Variants in DNAJC7 observed in about 807,000 individuals in gnomAD.
DNAJC7 encodes the protein dnaJ homolog subfamily C member 7.
Under a neutral mutation model 67.4 loss-of-function variants are expected in DNAJC7, and 18 were observed. The observed-to-expected ratio is 0.27, with a 90% CI of 0.18 to 0.40. The LOEUF is 0.40. DNAJC7 is among the 10% of genes least tolerant of loss of function. The probability of loss-of-function intolerance (pLI) is 1.00; values close to 1 mark genes in which losing one functional copy is unlikely to be tolerated. For missense variants in DNAJC7, 419 were observed against 613.8 expected, an observed-to-expected ratio of 0.68 and a Z score of 3.35; for synonymous variants, 220 against 207.8, an observed-to-expected ratio of 1.06 and a Z score of -0.50.
At position 41,997,136 on chromosome 17, in the gene DNAJC7, C is replaced by A; in HGVS notation, c.270G>T (p.Arg90Ser). The A allele has an allele frequency of 7.4e-6, 12 of 1,614,006 alleles. No homozygotes were observed. The highest frequency in any genetic ancestry group is 9.3e-6 in the Non-Finnish European group (11 of 1,179,886). The part of the protein sequence containing the change: ...EALGDAQQSV[R>S]LDDSFVRGHL... ...ATACCCGGACAAAACTGTCATCCAACCTCACTGACTGTTGTGCATCTCCAA... is the reference window on the plus strand; with the variant it reads ...ATACCCGGACAAAACTGTCATCCAAACTCACTGACTGTTGTGCATCTCCAA... Residue 90 changes from arginine (R) to serine (S), a missense_variant, in exon 3 of 14, where the codon AGG becomes AGT. Coordinates refer to ENST00000457167, the MANE Select transcript of DNAJC7 (RefSeq NM_003315.4).
At position 41,982,377 on chromosome 17, in the gene DNAJC7, G is replaced by A. The variant is rs782147359; in HGVS notation, c.1109C>T (p.Ala370Val). The A allele has an allele frequency of 5.0e-6, 8 of 1,613,766 alleles. No homozygotes were observed. Among genetic ancestry groups the A allele is most frequent in the South Asian group, 2.2e-5 (2 of 91,080 alleles). ...TKEHKQLLKN[A>V]QLELKKSKRK... ...CTTACTCTTCTTCAGTTCCAGCTGC[G>A]CATTTTTTAGGAGCTGTTTGTGTTC... is the stretch of plus-strand genomic sequence containing the variant. The change falls in exon 11 of 14, where the codon GCG becomes GTG. Residue 370 changes from alanine to valine, a missense_variant. By Grantham distance (64) the Ala-to-Val change is moderately conservative. Transcript: ENST00000457167.
intron 5 of DNAJC7, among the ~76,000 whole-genome samples, chr17:41,992,151 T>A (rs1215015807): frequency 6.6e-6 from 1 of 152,174 alleles, no homozygotes; most frequent in African/African-American, 2.4e-5. Context: ...AGGTTTACTG[T>A]CCTGAAAGTT....
chr17:42,003,884 T>G (rs2051873261), intron 1 of DNAJC7, among the ~76,000 whole-genome samples: 1 of 151,832 alleles, frequency 6.6e-6, no homozygotes. Flanking sequence ...GATGGTACTA[T>G]TAACAACTAC....
At chr17:42,011,498 A>AC (rs1555651046) in intron 1 of DNAJC7, 1 of 152,190 alleles carries the variant, frequency 6.6e-6, no homozygotes, top group Non-Finnish European at 1.5e-5. Context: ...TCCAGTTATG[A>AC]TTATCTACTT....
At chr17:41,976,966 C>T (rs183581071) in intron 13 of DNAJC7, 196 bp from the exon 14 acceptor site, 2 of 677,368 alleles carry the variant, frequency 3.0e-6, no homozygotes, top group African/African-American at 3.6e-5. Flanking sequence ...TAGCTTCTGA[C>T]CTCAGCATTA....
chr17:42,017,101 C>T (rs1009083484), intron 1 of DNAJC7: 78 of 1,430,374 alleles, frequency 5.5e-5, no homozygotes, highest in Admixed American at 4.5e-4. Flanking sequence ...GACGATCGTC[C>T]TCTCAGCTGG....
chr17:42,003,940 A>C (rs1274441290), intron 1 of DNAJC7, among the ~76,000 whole-genome samples: 2 of 134,996 alleles, frequency 1.5e-5, no homozygotes, highest in Non-Finnish European at 3.2e-5. Context: ...ATTTCCAATG[A>C]AGATTTTCAA....
chr17:42,004,958 G>A (rs1214194371), intron 1 of DNAJC7, among the ~76,000 whole-genome samples: 1 of 152,206 alleles, frequency 6.6e-6, no homozygotes, highest in Non-Finnish European at 1.5e-5. Flanking sequence ...CTGGGAGGTT[G>A]AGGCTGTAAC....
chr17:42,005,448 A>G (rs2143302676), intron 1 of DNAJC7, among the ~76,000 whole-genome samples: 1 of 152,346 alleles, frequency 6.6e-6, no homozygotes, highest in African/African-American at 2.4e-5. Context: ...AACTTTTAGC[A>G]ATTAAAGCAT....
chr17:41,994,140 A>G (rs2051590470), intron 5 of DNAJC7, among the ~76,000 whole-genome samples: 1 of 152,016 alleles, frequency 6.6e-6, no homozygotes. Flanking sequence ...GTTTGAGACC[A>G]GCCTGACCAA....
intron 1 of DNAJC7, chr17:42,014,038 A>T (rs1387549683): frequency 1.3e-5 from 2 of 151,064 alleles, no homozygotes; most frequent in African/African-American, 4.9e-5. Context: ...ACCTCAGGTG[A>T]TCAGCCTGCT....
rs543711175 is a variant in DNAJC7, at chr17:42,012,458, G to C, written c.77+4882C>G. Among the ~76,000 whole-genome samples, 347 of 152,300 alleles carry C rather than the reference G, an allele frequency of 2.3e-3. 1 individual carries two copies. The highest frequency in any genetic ancestry group is 4.1e-3 in the South Asian group (20 of 4,822). ...AGATCACACCACTGCACTCCAGCCT[G>C]GTGACAGAGCGAGACTCCGTCAAAA... On this transcript the variant is annotated intron_variant, in intron 1 of 13. Coordinates refer to ENST00000457167, the MANE Select transcript of DNAJC7 (RefSeq NM_003315.4).
chr17:41,985,225 C>CT (rs1458116625), intron 9 of DNAJC7: 7 of 152,112 alleles, frequency 4.6e-5, no homozygotes, highest in Non-Finnish European at 1.0e-4. Context: ...AGCCCAACAT[C>CT]TTGGGCATCT....
At position 42,017,325 on chromosome 17, in the gene DNAJC7, C is replaced by T; in HGVS notation, c.77+15G>A. 6.2e-7 allele frequency: 1 copy of T among 1,611,562 alleles called. No homozygotes were observed. Among genetic ancestry groups the T allele is most frequent in the Non-Finnish European group, 8.5e-7 (1 of 1,179,876 alleles). On this transcript the variant is annotated intron_variant, in intron 1 of 13. Coordinates refer to ENST00000457167, the MANE Select transcript of DNAJC7 (RefSeq NM_003315.4). Reference sequence around the variant, plus strand: ...GCTGCAGGTCGCCTCCTCTACTACCCTGCTACCCGGTTACCTCTTCGCCTC... The same window carrying T: ...GCTGCAGGTCGCCTCCTCTACTACCTTGCTACCCGGTTACCTCTTCGCCTC...
intron 1 of DNAJC7, among the ~76,000 whole-genome samples, chr17:42,002,532 T>C (rs1452521585): frequency 6.6e-6 from 1 of 152,170 alleles, no homozygotes; most frequent in Middle Eastern, 3.2e-3. Context: ...TACTAATAAC[T>C]ACTGAGGCCA....
At chr17:41,983,189 A>G (rs1865652152) in intron 10 of DNAJC7, among the ~76,000 whole-genome samples, 1 of 151,984 alleles carries the variant, frequency 6.6e-6, no homozygotes, top group South Asian at 2.1e-4. Context: ...TAGTCGCGCA[A>G]TCTTAGCTCA....
chr17:41,981,989 C>G lies in DNAJC7; in HGVS notation c.1250G>C (p.Ser417Thr), dbSNP rs782212971. The G allele has an allele frequency of 2.7e-5, 44 of 1,613,942 alleles. No individual in the cohort carries two copies. Among genetic ancestry groups the G allele is most frequent in the Non-Finnish European group, 3.5e-5 (41 of 1,179,918 alleles). Residue 417 changes from serine (S) to threonine (T), a missense_variant, in exon 12 of 14, where the codon AGT (serine) becomes ACT (threonine). Around this residue, in one of 4 missense-constraint regions of DNAJC7, gnomAD observed 161 missense variants for 252.2 expected, o/e 0.64. Transcript: ENST00000457167. ...MHHPDRHSGA[S>T]AEVQKEEEKK... The stretch of plus-strand genomic sequence containing the variant: ...CTCCTCCTCCTTCTGAACCTCAGCA[C>G]TGGCTCCACTATGCCGATCTAAAGT...
intron 1 of DNAJC7, among the ~76,000 whole-genome samples, chr17:42,008,882 T>G (rs1178157500): frequency 1.1e-4 from 16 of 152,258 alleles, no homozygotes; most frequent in Non-Finnish European, 1.0e-4. Flanking sequence ...TAATCTTTGT[T>G]TATTTTAGTA....
intron 1 of DNAJC7, among the ~76,000 whole-genome samples, chr17:42,010,103 T>C (rs1193321649): frequency 1.3e-5 from 2 of 151,704 alleles, no homozygotes; most frequent in African/African-American, 2.4e-5. Flanking sequence ...GATCGTGCCA[T>C]TGCACACTCC....
Sources: gnomAD v4.1 joint callset for allele counts (sites outside exome capture counted in the v4.1 genomes callset) on GRCh38, gnomAD v4.1.1 for gene constraint, gnomAD v4.1.1 regional missense constraint, MANE v1.5 for transcripts, NCBI Gene and HGNC (gene_info 2026-07-23, HGNC 2026-07-21) for gene names.